Variants in LMBRD2 observed in about 807,000 individuals in gnomAD.
The protein encoded by LMBRD2 is G protein-coupled receptor-associated protein LMBRD2.
A neutral mutation model predicts 94.4 loss-of-function variants in LMBRD2; 55 were observed. The ratio of observed to expected loss-of-function variants is 0.58; its 90% CI spans 0.47 to 0.73. The LOEUF is 0.73. Among genes scored for constraint, LMBRD2 ranks in the 30% least tolerant of loss-of-function variants. LMBRD2 has a pLI of 0.00. For synonymous variants in LMBRD2, 246 were observed against 272.4 expected (o/e 0.90, Z 0.95); for missense variants, 640 against 831.9 (o/e 0.77, Z 2.84).
At chr5:36,143,946 A>G (rs1192184644) in intron 1 of LMBRD2, among the ~76,000 whole-genome samples, 1 of 151,892 alleles carries the variant, frequency 6.6e-6, no homozygotes, top group Non-Finnish European at 1.5e-5. Flanking sequence ...TGTTAATTTC[A>G]CCTAACAACT....
At chr5:36,138,196 G>A (rs1165102779) in intron 4 of LMBRD2, among the ~76,000 whole-genome samples, 1 of 152,182 alleles carries the variant, frequency 6.6e-6, no homozygotes, top group African/African-American at 2.4e-5. Flanking sequence ...GCCAAGAGGT[G>A]AAGTAAATTA....
At chr5:36,129,880 T>C (rs1160823923) in intron 6 of LMBRD2, among the ~76,000 whole-genome samples, 2 of 152,196 alleles carry the variant, frequency 1.3e-5, no homozygotes, top group Non-Finnish European at 2.9e-5. Context: ...GTTCATGTCC[T>C]TTGTAGGGAC....
chr5:36,108,020 T>C (rs1743513298), intron 16 of LMBRD2, among the ~76,000 whole-genome samples: 1 of 152,180 alleles, frequency 6.6e-6, no homozygotes, highest in Non-Finnish European at 1.5e-5. Flanking sequence ...GGGTCAGTGA[T>C]ACAAAGTTTC....
At chr5:36,104,627 T>C (rs2111836231) in intron 17 of LMBRD2, among the ~76,000 whole-genome samples, 1 of 152,120 alleles carries the variant, frequency 6.6e-6, no homozygotes, top group Non-Finnish European at 1.5e-5. Context: ...TGGATTTAAA[T>C]CCAGCTGAAT....
At chr5:36,115,684 A>T (rs1220831670) in intron 11 of LMBRD2, among the ~76,000 whole-genome samples, 3 of 151,914 alleles carry the variant, frequency 2.0e-5, no homozygotes, top group Non-Finnish European at 4.4e-5. Context: ...AACTGTTCTG[A>T]ATCCTGATTG....
chr5:36,140,603 C>T (rs1744383977), intron 4 of LMBRD2, among the ~76,000 whole-genome samples: 2 of 152,214 alleles, frequency 1.3e-5, no homozygotes, highest in South Asian at 4.2e-4. Context: ...AAAGAGCTGC[C>T]GTCTGATGAC....
intron 9 of LMBRD2, among the ~76,000 whole-genome samples, chr5:36,120,221 C>A (rs1228536313): frequency 6.6e-6 from 1 of 150,576 alleles, no homozygotes; most frequent in Non-Finnish European, 1.5e-5. Context: ...AGTGCAGTGG[C>A]GCAATCTCGG....
At chr5:36,107,058 G>C (rs751019734) in intron 16 of LMBRD2, among the ~76,000 whole-genome samples, 4 of 152,130 alleles carry the variant, frequency 2.6e-5, no homozygotes, top group Non-Finnish European at 5.9e-5. Context: ...TCTTTCCTAA[G>C]ATAAGCCCTC....
chr5:36,125,498 C>T (rs2111879175), intron 6 of LMBRD2, among the ~76,000 whole-genome samples: 1 of 152,010 alleles, frequency 6.6e-6, no homozygotes, highest in South Asian at 2.1e-4. Context: ...ATACAATTGG[C>T]CAATAAATGT....
At chr5:36,135,265 G>T (rs894320035) in intron 6 of LMBRD2, among the ~76,000 whole-genome samples, 1 of 151,856 alleles carries the variant, frequency 6.6e-6, no homozygotes, top group Non-Finnish European at 1.5e-5. Flanking sequence ...TATAGAATGG[G>T]GATTTACAAA....
rs980422311 is a variant in LMBRD2, at chr5:36,143,269, A to T, written c.81T>A (p.Phe27Leu). 1 of 1,612,864 alleles carries T rather than the reference A, an allele frequency of 6.2e-7. No homozygotes were observed. The highest frequency in any genetic ancestry group is 8.5e-7 in the Non-Finnish European group (1 of 1,178,892). Reference protein sequence around the residue: ...ALFLLHRYGDFKKQHRLVIIG... With the variant: ...ALFLLHRYGDLKKQHRLVIIG... ...TAATCACAAGTCTATGCTGTTTCTT[A>T]AAGTCTCCATATCGATGAAGCAGAA... The change falls in exon 2 of 18, where the codon TTT becomes TTA. Residue 27 changes from phenylalanine (F) to leucine (L), a missense_variant. Transcript: ENST00000296603.
intron 9 of LMBRD2, among the ~76,000 whole-genome samples, chr5:36,120,927 C>G (rs995500123): frequency 6.6e-6 from 1 of 152,160 alleles, no homozygotes; most frequent in Non-Finnish European, 1.5e-5. Flanking sequence ...TTCTCATCCA[C>G]CTAATCTCTA....
intron 4 of LMBRD2, among the ~76,000 whole-genome samples, chr5:36,138,560 T>C (rs1362742520): frequency 6.6e-6 from 1 of 152,222 alleles, no homozygotes; most frequent in East Asian, 1.9e-4. Flanking sequence ...GCGGGATGAC[T>C]ACACAGGGAA....
At chr5:36,110,376 C>CT (rs966732639) in intron 14 of LMBRD2, among the ~76,000 whole-genome samples, 7 of 151,942 alleles carry the variant, frequency 4.6e-5, no homozygotes, top group African/African-American at 7.2e-5. Flanking sequence ...GATGTTTTCA[C>CT]TTTTTTTCCC....
At chr5:36,114,026 C>G (rs1743679394) in intron 13 of LMBRD2, among the ~76,000 whole-genome samples, 1 of 152,090 alleles carries the variant, frequency 6.6e-6, no homozygotes, top group Non-Finnish European at 1.5e-5. Flanking sequence ...TTTAGACACC[C>G]AGCAATAATT....
At chr5:36,122,224 C>T (rs1459790174) in intron 9 of LMBRD2, 56 bp downstream of exon 9, 1 of 1,294,256 alleles carries the variant, frequency 7.7e-7, no homozygotes, top group Non-Finnish European at 1.1e-6. Flanking sequence ...TACATAACTT[C>T]TTTCTACAGA....
chr5:36,142,363 G>A (rs1038216995), intron 3 of LMBRD2, 139 bp downstream of exon 3: 4 of 499,436 alleles, frequency 8.0e-6, no homozygotes, highest in East Asian at 6.4e-5. Context: ...AAGTCTACTA[G>A]GAAAGAATAG....
intron 6 of LMBRD2, among the ~76,000 whole-genome samples, chr5:36,132,612 A>G (rs1744180467): frequency 6.6e-6 from 1 of 151,396 alleles, no homozygotes; most frequent in South Asian, 2.1e-4. Context: ...CAACTCCATG[A>G]GAAAAAAAAT....
chr5:36,132,132 A>G (rs1418415078), intron 6 of LMBRD2, among the ~76,000 whole-genome samples: 1 of 152,086 alleles, frequency 6.6e-6, no homozygotes, highest in African/African-American at 2.4e-5. Flanking sequence ...TACAGAATAG[A>G]GAACTCCAAA....
Sources: gnomAD v4.1 joint callset for allele counts (sites outside exome capture counted in the v4.1 genomes callset) on GRCh38, gnomAD v4.1.1 for gene constraint, MANE v1.5 for transcripts, NCBI Gene and HGNC (gene_info 2026-07-23, HGNC 2026-07-21) for gene names.